The following CDC42SE2 variants were observed in gnomAD, a reference collection of about 807,000 sequenced individuals.
CDC42SE2 encodes the protein CDC42 small effector 2, also known as CDC42 small effector protein 2.
In CDC42SE2, 3 loss-of-function variants were observed where a neutral mutation model predicts 11.5. That is an observed-to-expected ratio of 0.26 (90% CI 0.12 to 0.67). The LOEUF (loss-of-function observed/expected upper bound fraction) is 0.67, where lower values mean the gene tolerates loss of function less well. CDC42SE2 is among the 30% of genes least tolerant of loss of function. The pLI, the probability that CDC42SE2 is intolerant of heterozygous loss-of-function variation, is 0.80. For missense variants in CDC42SE2, 82 were observed against 106.8 expected (o/e 0.77, Z 1.02); for synonymous variants, 33 against 34.8 (o/e 0.95, Z 0.18).
chr5:131,317,876 T>C (rs1012386270), intron 2 of CDC42SE2, among the ~76,000 whole-genome samples: 1 of 151,844 alleles, frequency 6.6e-6, no homozygotes, highest in Non-Finnish European at 1.5e-5. Flanking sequence ...TTTTTTTTTT[T>C]CTTGATCGAT....
At chr5:131,265,510 A>G (rs1008912401) in intron 1 of CDC42SE2, among the ~76,000 whole-genome samples, 1 of 152,216 alleles carries the variant, frequency 6.6e-6, no homozygotes, top group Non-Finnish European at 1.5e-5. Context: ...CTCAACAGAT[A>G]TTCATTAAGC....
At chr5:131,380,902 G>GT (rs755273979) in intron 3 of CDC42SE2, among the ~76,000 whole-genome samples, 34 of 152,104 alleles carry the variant, frequency 2.2e-4, no homozygotes, top group Non-Finnish European at 4.4e-4. Context: ...CCCCTGCAGC[G>GT]TGTCTTCTCC....
chr5:131,260,624 CAAA>C (rs34035270), upstream of CDC42SE2, among the ~76,000 whole-genome samples: 34 of 96,360 alleles, frequency 3.5e-4, no homozygotes, highest in African/African-American at 5.7e-4. Context: ...GACGCTCTCT[CAAA>C]AAAAAAAAAA....
chr5:131,280,603 T>G (rs1757218783), intron 1 of CDC42SE2, among the ~76,000 whole-genome samples: 1 of 152,192 alleles, frequency 6.6e-6, no homozygotes. Context: ...GTAATTTTTT[T>G]CTTAAGAGCC....
intron 1 of CDC42SE2, among the ~76,000 whole-genome samples, chr5:131,267,371 T>G (rs962860328): frequency 6.6e-6 from 1 of 152,130 alleles, no homozygotes; most frequent in Non-Finnish European, 1.5e-5. Flanking sequence ...TTTTTTTTTT[T>G]GTACCTTAAA....
chr5:131,334,062 C>G (rs936495715), intron 2 of CDC42SE2, among the ~76,000 whole-genome samples: 4 of 152,030 alleles, frequency 2.6e-5, no homozygotes, highest in African/African-American at 9.7e-5. Context: ...GGGAATGCTT[C>G]CAGTTTTTAT....
At chr5:131,327,575 T>C (rs1396605825) in intron 2 of CDC42SE2, among the ~76,000 whole-genome samples, 1 of 152,218 alleles carries the variant, frequency 6.6e-6, no homozygotes, top group African/African-American at 2.4e-5. Context: ...AAATTCTAAG[T>C]TTAAAGTTAC....
At chr5:131,243,109 T>C (rs1223605339), upstream of CDC42SE2, among the ~76,000 whole-genome samples, 1 of 152,204 alleles carries the variant, frequency 6.6e-6, no homozygotes, top group Non-Finnish European at 1.5e-5. Context: ...ATTTTTTGTA[T>C]TTTTCTTTCC....
At chr5:131,299,247 C>G (rs541837636) in intron 1 of CDC42SE2, among the ~76,000 whole-genome samples, 117 of 152,232 alleles carry the variant, frequency 7.7e-4, no homozygotes, top group African/African-American at 2.7e-3. Context: ...ATCAGACATT[C>G]ATTTTAGAAG....
the CDC42SE2 span, among the ~76,000 whole-genome samples, chr5:131,218,990 A>T: frequency 6.6e-6 from 1 of 152,240 alleles, no homozygotes; most frequent in Non-Finnish European, 1.5e-5. Context: ...GATAAATTTG[A>T]AAAAAGACAG....
intron 2 of CDC42SE2, among the ~76,000 whole-genome samples, chr5:131,352,149 G>C (rs1749357306): frequency 6.6e-6 from 1 of 152,156 alleles, no homozygotes; most frequent in African/African-American, 2.4e-5. Flanking sequence ...CAAAGAGTTG[G>C]TAGGATAAGG....
At chr5:131,337,409 G>T (rs542848834) in intron 2 of CDC42SE2, among the ~76,000 whole-genome samples, 1 of 152,194 alleles carries the variant, frequency 6.6e-6, no homozygotes, top group Non-Finnish European at 1.5e-5. Flanking sequence ...TAGGCTGCTC[G>T]TGGGTCAGGG....
intron 2 of CDC42SE2, among the ~76,000 whole-genome samples, chr5:131,342,388 CTT>C (rs35818778): frequency 4.3e-4 from 48 of 111,244 alleles, no homozygotes; most frequent in Admixed American, 7.2e-4. Flanking sequence ...TTTTAATAGT[CTT>C]TTTTTTTTTT....
chr5:131,332,318 T>C (rs2149742520), intron 2 of CDC42SE2, among the ~76,000 whole-genome samples: 1 of 152,348 alleles, frequency 6.6e-6, no homozygotes, highest in South Asian at 2.1e-4. Context: ...TATGGCTGCA[T>C]AGTATTCCAC....
chr5:131,327,706 G>A (rs1322856089), intron 2 of CDC42SE2, among the ~76,000 whole-genome samples: 1 of 152,086 alleles, frequency 6.6e-6, no homozygotes, highest in African/African-American at 2.4e-5. Flanking sequence ...CTGGTATGAG[G>A]CTACTTACGG....
At chr5:131,259,134 A>G (rs1401946667), upstream of CDC42SE2, among the ~76,000 whole-genome samples, 1 of 142,318 alleles carries the variant, frequency 7.0e-6, no homozygotes, top group Non-Finnish European at 1.5e-5. Flanking sequence ...CCAAATCACA[A>G]TTCATGTGCC....
the CDC42SE2 span, among the ~76,000 whole-genome samples, chr5:131,219,434 G>A: frequency 1.1e-4 from 17 of 152,050 alleles, no homozygotes; most frequent in African/African-American, 4.1e-4. Flanking sequence ...ATCCTTTTCA[G>A]AATAATAAAA....
chr5:131,273,195 G>T (rs1488118119), intron 1 of CDC42SE2, among the ~76,000 whole-genome samples: 5 of 138,550 alleles, frequency 3.6e-5, no homozygotes, highest in Admixed American at 1.5e-4. Flanking sequence ...TTGCTCTGTT[G>T]CCCAGGCTGG....
intron 2 of CDC42SE2, among the ~76,000 whole-genome samples, chr5:131,336,164 G>A (rs1007664798): frequency 6.6e-6 from 1 of 152,104 alleles, no homozygotes; most frequent in African/African-American, 2.4e-5. Flanking sequence ...GGCAGGCCTG[G>A]TGGTGACAAA....
Sources: allele counts gnomAD v4.1 joint callset (sites outside exome capture counted in the v4.1 genomes callset), GRCh38; gene constraint gnomAD v4.1.1; transcripts MANE v1.5; gene names NCBI Gene and HGNC (gene_info 2026-07-23, HGNC 2026-07-21).